The following DCDC1 variants were observed in gnomAD, a reference collection of about 807,000 sequenced individuals.
DCDC1 encodes doublecortin domain containing 1.
DCDC1 carries 200 observed loss-of-function variants against 178.3 expected under a neutral mutation model. The ratio of observed to expected loss-of-function variants is 1.12; its 90% CI spans 1.00 to 1.26. DCDC1 has a LOEUF of 1.26. Ranked by LOEUF, DCDC1 falls within the 50% of genes most tolerant of loss-of-function variation. The pLI is 0.00. For synonymous variants in DCDC1, 690 were observed against 604.8 expected (o/e 1.14, Z -2.07); for missense variants, 1,983 against 1,749.2 (o/e 1.13, Z -2.38).
intron 1 of DCDC1, among the ~76,000 whole-genome samples, chr11:31,365,955 A>T (rs1951936322): frequency 6.6e-6 from 1 of 152,112 alleles, no homozygotes; most frequent in Non-Finnish European, 1.5e-5. Context: ...TACTGTTATG[A>T]ATGTCCAACA....
At chr11:31,156,662 T>G (rs1239926959) in intron 9 of DCDC1, among the ~76,000 whole-genome samples, 16 of 152,202 alleles carry the variant, frequency 1.1e-4, no homozygotes, top group Admixed American at 9.2e-4. Flanking sequence ...TGTCTTAATT[T>G]GGACTAGACA....
At chr11:31,243,774 C>A (rs1466592892) in intron 8 of DCDC1, among the ~76,000 whole-genome samples, 1 of 151,668 alleles carries the variant, frequency 6.6e-6, no homozygotes, top group Non-Finnish European at 1.5e-5. Flanking sequence ...CTATGGAAAC[C>A]AGAAACAGCA....
intron 9 of DCDC1, among the ~76,000 whole-genome samples, chr11:31,145,944 T>C (rs978997857): frequency 6.6e-6 from 1 of 152,204 alleles, no homozygotes; most frequent in African/African-American, 2.4e-5. Context: ...ATGTATATAA[T>C]TTGTGGCAAA....
chr11:31,214,775 T>C (rs1182701861), intron 9 of DCDC1, among the ~76,000 whole-genome samples: 2 of 152,160 alleles, frequency 1.3e-5, no homozygotes, highest in Non-Finnish European at 2.9e-5. Flanking sequence ...TACAAGTTTC[T>C]TTGTCAAGGG....
intron 9 of DCDC1, among the ~76,000 whole-genome samples, chr11:31,164,138 A>G (rs1321837071): frequency 7.2e-5 from 11 of 152,170 alleles, no homozygotes; most frequent in Non-Finnish European, 1.6e-4. Context: ...ATCAAATCCT[A>G]TAAATATGAT....
chr11:31,340,431 G>A (rs1950488241), intron 1 of DCDC1, among the ~76,000 whole-genome samples: 1 of 152,194 alleles, frequency 6.6e-6, no homozygotes, highest in Non-Finnish European at 1.5e-5. Context: ...GGGGGAACCA[G>A]TGATGGGTAC....
At chr11:31,209,281 G>A (rs574527567) in intron 9 of DCDC1, among the ~76,000 whole-genome samples, 4 of 152,304 alleles carry the variant, frequency 2.6e-5, no homozygotes, top group Non-Finnish European at 4.4e-5. Context: ...AGTTAAGTAC[G>A]TTCCCTCCGA....
At chr11:30,944,416 G>C (rs1947865521) in intron 21 of DCDC1, 1 of 449,744 alleles carries the variant, frequency 2.2e-6, no homozygotes, top group Admixed American at 2.4e-5. Flanking sequence ...TATTATTTAT[G>C]CTTATAGTAC....
chr11:30,946,980 C>A (rs984170483), intron 21 of DCDC1, among the ~76,000 whole-genome samples: 3 of 152,118 alleles, frequency 2.0e-5, no homozygotes, highest in East Asian at 1.9e-4. Flanking sequence ...CTAAATTTCA[C>A]TGAAAACGTA....
At chr11:31,223,095 C>T (rs1007107622) in intron 9 of DCDC1, among the ~76,000 whole-genome samples, 1 of 151,818 alleles carries the variant, frequency 6.6e-6, no homozygotes, top group Admixed American at 6.6e-5. Flanking sequence ...AAAGACTTAC[C>T]AAGAGTTTAA....
intron 20 of DCDC1, among the ~76,000 whole-genome samples, chr11:30,976,057 A>G (rs1950082802): frequency 6.6e-6 from 1 of 152,128 alleles, no homozygotes; most frequent in Non-Finnish European, 1.5e-5. Flanking sequence ...ATAAATCCAC[A>G]TATTTACAGC....
intron 1 of DCDC1, among the ~76,000 whole-genome samples, chr11:31,355,752 A>G (rs1411807609): frequency 6.6e-6 from 1 of 152,024 alleles, no homozygotes. Flanking sequence ...TATTTTTAGT[A>G]GAGACAGGGT....
intron 9 of DCDC1, among the ~76,000 whole-genome samples, chr11:31,210,337 A>G (rs190572263): frequency 2.8e-4 from 43 of 152,316 alleles, no homozygotes; most frequent in African/African-American, 1.0e-3. Context: ...GTGAGTCCCA[A>G]AGTAGGTACG....
At chr11:31,321,915 C>T (rs1949385451) in intron 3 of DCDC1, among the ~76,000 whole-genome samples, 1 of 152,094 alleles carries the variant, frequency 6.6e-6, no homozygotes, top group Admixed American at 6.6e-5. Flanking sequence ...GCCCTGGTTA[C>T]TGAAGGGAAA....
At chr11:31,046,447 A>G (rs908088729) in intron 20 of DCDC1, among the ~76,000 whole-genome samples, 5 of 152,148 alleles carry the variant, frequency 3.3e-5, no homozygotes, top group Admixed American at 2.0e-4. Context: ...ACACTAAGGT[A>G]TCTTTTTCTC....
chr11:31,127,511 G>A lies in DCDC1; in HGVS notation c.1443C>T (p.Ser481=). ...FSSYVYQHIK[S]LPANTLVPGG... Reference sequence around the variant, plus strand: ...CTGGGACAAGCGTGTTTGCTGGAAGGCTTTTAATGTGTTGGTAGACATAAG... The same window carrying A: ...CTGGGACAAGCGTGTTTGCTGGAAGACTTTTAATGTGTTGGTAGACATAAG... The change falls in exon 11 of 39, where the codon AGC becomes AGT. Residue 481 remains serine, a synonymous_variant. Transcript: ENST00000684477. The A allele has an allele frequency of 1.4e-6, 1 of 702,652 alleles. No homozygotes were observed. Among genetic ancestry groups the A allele is most frequent in the Non-Finnish European group, 2.6e-6 (1 of 384,774 alleles). The allele number at this position is 702,652 out of a possible 1,614,324, so 43.5% of individuals were successfully genotyped here. A position where few individuals can be genotyped will look rare whatever the true frequency, so the allele number is the denominator to read the frequency against.
At chr11:31,042,358 T>A (rs1954517166) in intron 20 of DCDC1, among the ~76,000 whole-genome samples, 2 of 152,210 alleles carry the variant, frequency 1.3e-5, no homozygotes, top group South Asian at 4.1e-4. Context: ...GATTTTTTGC[T>A]AGACCAGATA....
intron 8 of DCDC1, chr11:31,241,873 G>A: frequency 3.7e-6 from 1 of 272,784 alleles, no homozygotes; most frequent in Non-Finnish European, 6.8e-6. Flanking sequence ...CTAACTAGCT[G>A]CACAGAGTGT....
At chr11:31,257,719 CAT>C (rs1491400792) in intron 8 of DCDC1, among the ~76,000 whole-genome samples, 1,833 of 150,854 alleles carry the variant, frequency 0.012, 24 homozygotes, top group South Asian at 0.052. Context: ...CACACACACA[CAT>C]ACACACACAC....
Sources: allele counts gnomAD v4.1 joint callset (sites outside exome capture counted in the v4.1 genomes callset), GRCh38; gene constraint gnomAD v4.1.1; transcripts MANE v1.5; gene names NCBI Gene and HGNC (gene_info 2026-07-23, HGNC 2026-07-21).